DMD: variants seen among roughly 807,000 people sequenced by gnomAD.
The protein encoded by DMD is dystrophin, also known as mutant dystrophin.
In DMD, 63 loss-of-function variants were observed where a neutral mutation model predicts 330.1. The observed-to-expected ratio is 0.19, with a 90% CI of 0.16 to 0.24. DMD has a LOEUF of 0.24. DMD is among the 10% of genes least tolerant of loss of function. DMD has a pLI of 1.00. For missense variants in DMD, 3,344 were observed against 2,684.1 expected (o/e 1.25, Z -5.43); for synonymous variants, 1,223 against 959.8 (o/e 1.27, Z -5.07).
intron 44 of DMD, among the ~76,000 whole-genome samples, chrX:32,075,895 A>G (rs1386037610): frequency 9.3e-6 from 1 of 107,327 alleles, no homozygotes; most frequent in African/African-American, 3.4e-5. Flanking sequence ...CTAAAGATAC[A>G]AAAATTAGCC....
intron 7 of DMD, among the ~76,000 whole-genome samples, chrX:32,784,249 G>A (rs1037292512): frequency 2.7e-5 from 3 of 111,600 alleles, no homozygotes; most frequent in Non-Finnish European, 3.8e-5. Context: ...TTAAGAACCC[G>A]AGGTGTATTA....
chrX:33,091,892 C>A (rs2095089785), intron 1 of DMD, among the ~76,000 whole-genome samples: 1 of 111,919 alleles, frequency 8.9e-6, no homozygotes, highest in Non-Finnish European at 1.9e-5. Flanking sequence ...GATAAATATT[C>A]CACAGTGAGA....
rs181662036 is a variant in DMD, at chrX:32,490,798, A to G, written c.2622+479T>C. ...ACATTTTAAAAATATCTTTTTGTAA[A>G]GAAACCTTCCTCAAATTATCGTAAT... On this transcript the variant is annotated intron_variant, in intron 20 of 78. Transcript: ENST00000357033. Among the ~76,000 whole-genome samples the G allele has an allele frequency of 2.2e-4, 25 of 112,108 alleles. 1 individual carries two copies. In the Admixed American group the frequency reaches 2.3e-3, roughly 10 times the overall value.
chrX:31,732,919 A>G (rs753589357), intron 51 of DMD, among the ~76,000 whole-genome samples: 12 of 111,722 alleles, frequency 1.1e-4, no homozygotes, highest in Admixed American at 9.5e-4. Context: ...AGCGAACAAA[A>G]CTAAAATCAT....
In DMD at chrX:32,667,770, T is replaced by G. The variant is rs1017206736; in HGVS notation, c.961-22618A>C. 2.0e-3 allele frequency among the ~76,000 whole-genome samples: 203 copies of G among 99,975 alleles called. 1 individual carries two copies. The highest frequency in any genetic ancestry group is 2.9e-3 in the South Asian group (7 of 2,435). 86.8% of individuals were successfully genotyped at this position (99,975 alleles called of 115,157 possible). ...TCTCACCATTCTCTGCTTTTGTGTTTTTTTTTTTTTTTTTTCCAGTTTTCT... is the reference window on the plus strand; with the variant it reads ...TCTCACCATTCTCTGCTTTTGTGTTGTTTTTTTTTTTTTTTCCAGTTTTCT... On this transcript the variant is annotated intron_variant, in intron 9 of 78. Transcript: ENST00000357033.
chrX:32,144,618 C>A (rs1459504733), intron 44 of DMD, among the ~76,000 whole-genome samples: 2 of 112,049 alleles, frequency 1.8e-5, no homozygotes, highest in East Asian at 5.6e-4. Context: ...TGATGAGGAT[C>A]TTTGAGAAAA....
chrX:33,252,536 G>C (rs1246542427), intron 1 of DMD, among the ~76,000 whole-genome samples: 1 of 110,024 alleles, frequency 9.1e-6, no homozygotes, highest in Admixed American at 9.8e-5. Context: ...TACATTCTTT[G>C]CTTTAAAACA....
chrX:32,290,414 C>T (rs1347340008), intron 42 of DMD, among the ~76,000 whole-genome samples: 4 of 112,145 alleles, frequency 3.6e-5, no homozygotes, highest in African/African-American at 6.5e-5. Context: ...AAGCTCAAAC[C>T]TGTGCTTGGC....
Position 32,529,865 on chromosome X carries a change from G to A in DMD, c.2169-11734C>T, listed in dbSNP as rs112392754. Among the ~76,000 whole-genome samples, 970 of 111,319 alleles carry A rather than the reference G, an allele frequency of 8.7e-3. 18 individuals carry two copies. The highest frequency in any genetic ancestry group is 0.066 in the Admixed American group (693 of 10,493). On this transcript the variant is annotated intron_variant, in intron 17 of 78. Coordinates refer to ENST00000357033, the MANE Select transcript of DMD (RefSeq NM_004006.3). ...ACAGAGGACTCTGTCTTCAGTTAGT[G>A]GAAACTGCTATATTAACATTCCTAT...
At chrX:31,749,626 C>A (rs1472721733) in intron 51 of DMD, among the ~76,000 whole-genome samples, 8 of 109,398 alleles carry the variant, frequency 7.3e-5, no homozygotes, top group African/African-American at 2.7e-4. Flanking sequence ...GTCTTTATAG[C>A]AGCATGATTT....
intron 7 of DMD, among the ~76,000 whole-genome samples, chrX:32,780,056 T>C (rs2074561582): frequency 8.9e-6 from 1 of 111,914 alleles, no homozygotes; most frequent in Admixed American, 9.5e-5. Flanking sequence ...TGTATCCATA[T>C]ACTTCTCCCC....
At chrX:31,488,648 A>G (rs757042901) in intron 57 of DMD, among the ~76,000 whole-genome samples, 1 of 111,507 alleles carries the variant, frequency 9.0e-6, no homozygotes, top group South Asian at 3.8e-4. Context: ...AGTTCTATCA[A>G]TTCTACCCTC....
At chrX:32,910,206 A>G (rs1207396437) in intron 2 of DMD, among the ~76,000 whole-genome samples, 1 of 111,908 alleles carries the variant, frequency 8.9e-6, no homozygotes, top group Non-Finnish European at 1.9e-5. Context: ...GGTTTTCCAG[A>G]CAGCTGAGAG....
intron 30 of DMD, among the ~76,000 whole-genome samples, chrX:32,406,114 C>T (rs1200340525): frequency 8.9e-6 from 1 of 111,757 alleles, no homozygotes; most frequent in Admixed American, 9.5e-5. Flanking sequence ...CATGCTGAGA[C>T]TTTGCTGAAG....
chrX:33,274,928 T>C (rs765754361), intron 1 of DMD, among the ~76,000 whole-genome samples: 49 of 111,680 alleles, frequency 4.4e-4, no homozygotes, highest in Non-Finnish European at 8.3e-4. Context: ...CTGGACAGCA[T>C]GCTGGCCCCT....
intron 2 of DMD, among the ~76,000 whole-genome samples, chrX:32,852,236 A>AC (rs780473484): frequency 2.7e-5 from 3 of 111,063 alleles, no homozygotes; most frequent in Non-Finnish European, 5.7e-5. Flanking sequence ...GAGTCCTGAG[A>AC]CCCCCCATTC....
At chrX:32,770,572 G>A (rs111423000) in intron 7 of DMD, among the ~76,000 whole-genome samples, 3,696 of 111,209 alleles carry the variant, frequency 0.033, 173 homozygotes, top group African/African-American at 0.11. Context: ...ATATAAATAT[G>A]TCGATTACTT....
chrX:33,011,775 A>G (rs1446909246), intron 2 of DMD, among the ~76,000 whole-genome samples: 5 of 112,056 alleles, frequency 4.5e-5, no homozygotes, highest in Non-Finnish European at 3.8e-5. Context: ...TTTTCTAAAT[A>G]AAAATGCTTC....
intron 41 of DMD, among the ~76,000 whole-genome samples, chrX:32,322,872 T>A (rs1170878441): frequency 8.9e-6 from 1 of 112,006 alleles, no homozygotes; most frequent in Non-Finnish European, 1.9e-5. Flanking sequence ...TACTATCCAA[T>A]AAATCCATCA....
Sources: allele counts gnomAD v4.1 joint callset (sites outside exome capture counted in the v4.1 genomes callset), GRCh38; gene constraint gnomAD v4.1.1; transcripts MANE v1.5; gene names NCBI Gene and HGNC (gene_info 2026-07-23, HGNC 2026-07-21).